PRKD1: variants seen among roughly 807,000 people sequenced by gnomAD.
PRKD1 encodes protein kinase D1, also known as serine/threonine-protein kinase D1.
A neutral mutation model predicts 95.9 loss-of-function variants in PRKD1; 63 were observed. The observed-to-expected ratio is 0.66, with a 90% confidence interval of 0.54 to 0.81. The LOEUF (loss-of-function observed/expected upper bound fraction) is 0.81. Ranked by LOEUF, PRKD1 falls within the 30% of genes least tolerant of loss-of-function variation. PRKD1 has a pLI of 0.00. For synonymous variants in PRKD1, 425 were observed against 423.1 expected (o/e 1.00, Z -0.05); for missense variants, 1,048 against 1,165.3 (o/e 0.90, Z 1.47).
In PRKD1 at chr14:29,894,824, A is replaced by G. The variant is rs576138638; in HGVS notation, c.264+32425T>C. ...CCTGGACTGTGTGCTATGTGATCAGAAGAAGCACAGAAGCAAGCTTTATTG... is the reference window on the plus strand; with the variant it reads ...CCTGGACTGTGTGCTATGTGATCAGGAGAAGCACAGAAGCAAGCTTTATTG... On this transcript the variant is annotated intron_variant, in intron 1 of 17. Coordinates refer to ENST00000331968, the MANE Select transcript of PRKD1 (RefSeq NM_002742.3). 2.6e-5 allele frequency among the ~76,000 whole-genome samples: 4 copies of G among 152,342 alleles called. 1 individual carries two copies. The highest frequency in any genetic ancestry group is 9.6e-5 in the African/African-American group (4 of 41,578).
intron 1 of PRKD1, among the ~76,000 whole-genome samples, chr14:29,733,133 C>T (rs373091078): frequency 1.6e-4 from 23 of 143,164 alleles, no homozygotes; most frequent in African/African-American, 4.9e-4. Context: ...GATGGAGTCT[C>T]GCTCTGCCGC....
At chr14:29,763,487 A>AAGGG (rs1447058310) in intron 1 of PRKD1, among the ~76,000 whole-genome samples, 1 of 90,546 alleles carries the variant, frequency 1.1e-5, no homozygotes, top group Non-Finnish European at 2.2e-5. Flanking sequence ...GAGAGGGAGG[A>AAGGG]AGGGAGGGAG....
chr14:29,609,798 A>T (rs887227104), intron 13 of PRKD1, among the ~76,000 whole-genome samples: 2 of 148,072 alleles, frequency 1.4e-5, no homozygotes, highest in Non-Finnish European at 3.0e-5. Context: ...GCCTCAAGTG[A>T]TCTGTCTGCC....
chr14:29,658,801 T>C (rs1343403727), intron 4 of PRKD1, among the ~76,000 whole-genome samples: 3 of 152,234 alleles, frequency 2.0e-5, no homozygotes, highest in African/African-American at 7.2e-5. Context: ...CATATTACTT[T>C]TAATTTAGCA....
rs1451975495 is a variant in PRKD1 at position 29,636,390 on chromosome 14, T to C, written c.1090A>G (p.Met364Val). Residue 364 changes from methionine to valine, a missense_variant, in exon 7 of 18, where the codon ATG (methionine) becomes GTG (valine). Met to Val is a conservative substitution (Grantham distance 21, BLOSUM62 1). Coordinates refer to ENST00000331968, the MANE Select transcript of PRKD1 (RefSeq NM_002742.3). The part of the protein sequence containing the change: ...SGLMDDMEEA[M>V]VQDAEMAMAE... ...ATTGCCATCTCTGCATCTTGGACCA[T>C]TGCTTCTTCCATATCATCCATGAGC... The C allele has an allele frequency of 1.9e-6, 3 of 1,614,168 alleles. No individual in the cohort carries two copies. Among genetic ancestry groups the C allele is most frequent in the Admixed American group, 1.7e-5 (1 of 60,022 alleles).
chr14:29,742,488 C>T (rs1887023084), intron 1 of PRKD1, among the ~76,000 whole-genome samples: 1 of 152,158 alleles, frequency 6.6e-6, no homozygotes, highest in African/African-American at 2.4e-5. Context: ...TATCATACTT[C>T]CAGCAAATCT....
intron 1 of PRKD1, among the ~76,000 whole-genome samples, chr14:29,887,962 A>T (rs1038378635): frequency 2.6e-5 from 4 of 152,248 alleles, no homozygotes; most frequent in Non-Finnish European, 2.9e-5. Flanking sequence ...GGAATATGTC[A>T]TAATAGACAT....
rs1341145583 is a variant in PRKD1 at position 29,630,901 on chromosome 14, C to G, written c.1513G>C (p.Glu505Gln). Residue 505 changes from glutamate (E) to glutamine (Q), a missense_variant, in exon 10 of 18, where the codon GAA becomes CAA. By Grantham distance (29) the Glu-to-Gln change is conservative. Coordinates refer to ENST00000331968, the MANE Select transcript of PRKD1 (RefSeq NM_002742.3). ...GGGCTGGAAGGATTGACCACATTTT[C>G]TCCCACATAATACACTACATTTGCC... is the stretch of plus-strand genomic sequence containing the variant. ...TTANVVYYVGENVVNPSSPSP... is the reference protein window; with the variant it reads ...TTANVVYYVGQNVVNPSSPSP... 1.2e-6 allele frequency: 2 copies of G among 1,614,002 alleles called. No individual in the cohort carries two copies. Among genetic ancestry groups the G allele is most frequent in the Non-Finnish European group, 1.7e-6 (2 of 1,180,014 alleles).
intron 1 of PRKD1, among the ~76,000 whole-genome samples, chr14:29,793,645 A>G (rs1037446943): frequency 2.6e-5 from 4 of 151,966 alleles, no homozygotes; most frequent in Non-Finnish European, 5.9e-5. Context: ...GGAAGAGATG[A>G]GCGCAAGTTT....
intron 1 of PRKD1, among the ~76,000 whole-genome samples, chr14:29,796,313 T>G (rs2139206357): frequency 6.6e-6 from 1 of 152,312 alleles, no homozygotes; most frequent in South Asian, 2.1e-4. Context: ...TTGGTACGAA[T>G]GTTTAATCAT....
intron 1 of PRKD1, among the ~76,000 whole-genome samples, chr14:29,806,337 T>C (rs1890230871): frequency 6.6e-6 from 1 of 152,208 alleles, no homozygotes; most frequent in Non-Finnish European, 1.5e-5. Flanking sequence ...GATCTCATTC[T>C]GAGATTGGGC....
chr14:29,644,000 G>T (rs944796182), intron 4 of PRKD1, among the ~76,000 whole-genome samples: 39 of 152,172 alleles, frequency 2.6e-4, no homozygotes, highest in African/African-American at 7.7e-4. Context: ...GGATTTGTCT[G>T]AATCATTTGA....
intron 16 of PRKD1, among the ~76,000 whole-genome samples, chr14:29,594,329 C>A (rs1247130800): frequency 6.6e-6 from 1 of 152,074 alleles, no homozygotes. Flanking sequence ...ACTAAGGAAT[C>A]CTGCACATCG....
intron 13 of PRKD1, among the ~76,000 whole-genome samples, chr14:29,615,706 G>T (rs1323277344): frequency 6.6e-6 from 1 of 152,092 alleles, no homozygotes; most frequent in Non-Finnish European, 1.5e-5. Context: ...ATCTTAAAGG[G>T]TTTTATTCAT....
At chr14:29,651,267 A>T (rs193123197) in intron 4 of PRKD1, among the ~76,000 whole-genome samples, 1 of 152,254 alleles carries the variant, frequency 6.6e-6, no homozygotes, top group Admixed American at 6.5e-5. Flanking sequence ...CAATGAAATT[A>T]TATCACTCAA....
At chr14:29,595,451 C>A (rs945815982) in intron 16 of PRKD1, among the ~76,000 whole-genome samples, 3 of 152,180 alleles carry the variant, frequency 2.0e-5, no homozygotes, top group Non-Finnish European at 4.4e-5. Flanking sequence ...GTCTCCCCAA[C>A]TAACATTCAA....
At chr14:29,634,383 C>T (rs377325072) in intron 8 of PRKD1, 35 bp downstream of exon 8, 27 of 1,613,376 alleles carry the variant, frequency 1.7e-5, no homozygotes, top group Non-Finnish European at 2.1e-5. Flanking sequence ...TTAAAGCTAG[C>T]AAGGCAAGAG....
At chr14:29,734,475 T>G (rs1316062568) in intron 1 of PRKD1, among the ~76,000 whole-genome samples, 1 of 152,202 alleles carries the variant, frequency 6.6e-6, no homozygotes, top group Non-Finnish European at 1.5e-5. Context: ...ATCAGTTTTA[T>G]CCTTTCAAGG....
At chr14:29,680,398 C>T (rs1481320409) in intron 2 of PRKD1, among the ~76,000 whole-genome samples, 1 of 152,058 alleles carries the variant, frequency 6.6e-6, no homozygotes, top group African/African-American at 2.4e-5. Flanking sequence ...AGAATAGACA[C>T]ACTTTAGAGA....
Sources: allele counts gnomAD v4.1 joint callset (sites outside exome capture counted in the v4.1 genomes callset), GRCh38; gene constraint gnomAD v4.1.1; transcripts MANE v1.5; gene names NCBI Gene and HGNC (gene_info 2026-07-23, HGNC 2026-07-21).